Variants in LANCL3 observed in about 807,000 individuals in gnomAD.
The protein encoded by LANCL3 is lanC-like protein 3.
A neutral mutation model predicts 26.5 loss-of-function variants in LANCL3; 19 were observed. The ratio of observed to expected loss-of-function variants is 0.72; its 90% CI spans 0.50 to 1.05. The LOEUF (loss-of-function observed/expected upper bound fraction) is 1.05. LANCL3 is among the 50% of genes least tolerant of loss of function. LANCL3 has a pLI of 0.00. For missense variants in LANCL3, 318 were observed against 362.7 expected (o/e 0.88, Z 1.00); for synonymous variants, 160 against 166.6 (o/e 0.96, Z 0.30).
At chrX:37,630,619 C>T (rs782783537) in intron 1 of LANCL3, among the ~76,000 whole-genome samples, 24 of 109,754 alleles carry the variant, frequency 2.2e-4, no homozygotes, top group Admixed American at 5.8e-4. Context: ...TTTTGAGATA[C>T]GTCCCATCAA....
intron 1 of LANCL3, among the ~76,000 whole-genome samples, chrX:37,588,611 A>C: frequency 8.9e-6 from 1 of 111,993 alleles, no homozygotes; most frequent in Middle Eastern, 4.6e-3. Context: ...ATTTTCAAGA[A>C]GTATTTGATC....
At chrX:37,668,189 T>C (rs1217608537) in intron 4 of LANCL3, among the ~76,000 whole-genome samples, 2 of 107,578 alleles carry the variant, frequency 1.9e-5, no homozygotes, top group Admixed American at 2.0e-4. Context: ...ACTAATCTTG[T>C]GCATATATAA....
At chrX:37,594,795 C>T (rs1421609115) in intron 1 of LANCL3, among the ~76,000 whole-genome samples, 1 of 111,641 alleles carries the variant, frequency 9.0e-6, no homozygotes, top group African/African-American at 3.3e-5. Flanking sequence ...ACCCTAGACT[C>T]ACCAAAGTAG....
intron 1 of LANCL3, among the ~76,000 whole-genome samples, chrX:37,631,706 T>G (rs1412316335): frequency 8.9e-6 from 1 of 111,948 alleles, no homozygotes; most frequent in East Asian, 2.8e-4. Flanking sequence ...CATTTTGTTA[T>G]GTACCCAGTA....
intron 1 of LANCL3, among the ~76,000 whole-genome samples, chrX:37,597,804 G>A (rs782202894): frequency 4.7e-5 from 5 of 106,515 alleles, no homozygotes; most frequent in Admixed American, 4.1e-4. Context: ...GGTGTGAGCT[G>A]CCAAGCCTGG....
At chrX:37,583,987 G>A (rs782464110) in intron 1 of LANCL3, among the ~76,000 whole-genome samples, 47 of 111,520 alleles carry the variant, frequency 4.2e-4, no homozygotes, top group African/African-American at 1.3e-3. Flanking sequence ...TTTGAGATAC[G>A]TCCCATCAAT....
At chrX:37,633,161 T>A (rs1392203548) in intron 1 of LANCL3, among the ~76,000 whole-genome samples, 1 of 109,945 alleles carries the variant, frequency 9.1e-6, no homozygotes, top group Non-Finnish European at 1.9e-5. Flanking sequence ...TTTTTTTTTT[T>A]TATTCTTTTT....
intron 1 of LANCL3, among the ~76,000 whole-genome samples, chrX:37,586,617 G>A (rs542575888): frequency 6.4e-4 from 72 of 111,971 alleles, no homozygotes; most frequent in Middle Eastern, 4.6e-3. Context: ...CATTCGTCAC[G>A]TAGTTCTCGT....
chrX:37,653,046 T>C (rs1556429660), intron 1 of LANCL3, among the ~76,000 whole-genome samples: 2 of 111,696 alleles, frequency 1.8e-5, no homozygotes, highest in African/African-American at 6.5e-5. Context: ...CATGCATAAC[T>C]GGTCTCTATC....
At chrX:37,575,028 C>T (rs6520608) in intron 1 of LANCL3, among the ~76,000 whole-genome samples, 5 of 109,220 alleles carry the variant, frequency 4.6e-5, no homozygotes, top group Admixed American at 9.8e-5. Context: ...TGGGCTCAGG[C>T]GATCCTCCTA....
Position 37,584,284 on chromosome X carries a change from C to T in LANCL3, c.573+11841C>T, listed in dbSNP as rs60300183. Among the ~76,000 whole-genome samples the T allele has an allele frequency of 9.6e-3, 989 of 102,841 alleles. 39 individuals are homozygous for T. Among genetic ancestry groups the T allele is most frequent in the African/African-American group, 0.039 (913 of 23,333 alleles). The allele number at this position is 102,841 out of a possible 115,157, so 89.3% of individuals were successfully genotyped here. ...GGATATTGGTCTAAAATTCTCTTTT[C>T]TTGTTTTGTTTTTGCCAGGCTTTGG... On this transcript the variant is annotated intron_variant, in intron 1 of 4. Transcript: ENST00000378619.
At chrX:37,663,553 T>C (rs1926470224) in intron 3 of LANCL3, among the ~76,000 whole-genome samples, 1 of 111,610 alleles carries the variant, frequency 9.0e-6, no homozygotes, top group Admixed American at 9.5e-5. Context: ...CAAGGGGCTT[T>C]CTGTGTCATG....
chrX:37,650,489 T>C (rs1317910468), intron 1 of LANCL3, among the ~76,000 whole-genome samples: 4 of 102,092 alleles, frequency 3.9e-5, no homozygotes, highest in Non-Finnish European at 4.0e-5. Context: ...TTTGGCTTTA[T>C]ATTCATATCT....
intron 1 of LANCL3, among the ~76,000 whole-genome samples, chrX:37,574,667 C>T (rs1556416183): frequency 9.0e-6 from 1 of 111,511 alleles, no homozygotes; most frequent in African/African-American, 3.3e-5. Flanking sequence ...TCTCCAGTGG[C>T]TTGTCATCTC....
intron 1 of LANCL3, among the ~76,000 whole-genome samples, chrX:37,595,311 C>T (rs1924395885): frequency 1.8e-5 from 2 of 111,922 alleles, no homozygotes; most frequent in South Asian, 7.4e-4. Context: ...CCAAATAACC[C>T]CCTTTGAGGC....
chrX:37,668,306 T>C, intron 4 of LANCL3: 1 of 198,247 alleles, frequency 5.0e-6, no homozygotes. Context: ...ATATATATCC[T>C]AGTTATATAC....
At chrX:37,595,552 T>C (rs1924401771) in intron 1 of LANCL3, among the ~76,000 whole-genome samples, 1 of 112,162 alleles carries the variant, frequency 8.9e-6, no homozygotes, top group African/African-American at 3.2e-5. Context: ...TATTATAAAA[T>C]GGGAAGTATC....
At chrX:37,587,501 G>A (rs192303166) in intron 1 of LANCL3, among the ~76,000 whole-genome samples, 1,213 of 112,654 alleles carry the variant, frequency 0.011, 7 homozygotes, top group South Asian at 0.022. Flanking sequence ...AATGGCGGGC[G>A]CCCCTCCCCC....
chrX:37,637,444 T>A (rs1293741613), intron 1 of LANCL3, among the ~76,000 whole-genome samples: 1 of 111,950 alleles, frequency 8.9e-6, no homozygotes, highest in Non-Finnish European at 1.9e-5. Flanking sequence ...AGTGTAAATA[T>A]GCTAGGGTAT....
Sources: gnomAD v4.1 joint callset for allele counts (sites outside exome capture counted in the v4.1 genomes callset) on GRCh38, gnomAD v4.1.1 for gene constraint, MANE v1.5 for transcripts, NCBI Gene and HGNC (gene_info 2026-07-23, HGNC 2026-07-21) for gene names.